S100B: variants seen among roughly 807,000 people sequenced by gnomAD.
The protein encoded by S100B is protein S100-B.
A neutral mutation model predicts 7.7 loss-of-function variants in S100B; 6 were observed. The ratio of observed to expected loss-of-function variants is 0.78; its 90% confidence interval spans 0.43 to 1.54. The LOEUF is 1.54. S100B is among the 40% of genes most tolerant of loss of function. The pLI, the probability that S100B is intolerant of heterozygous loss-of-function variation, is 0.01. For synonymous variants in S100B, 36 were observed against 40.4 expected (o/e 0.89, Z 0.41); for missense variants, 99 against 111.8 (o/e 0.89, Z 0.52).
intron 2 of S100B, among the ~76,000 whole-genome samples, chr21:46,601,760 A>G (rs745501270): frequency 1.3e-5 from 2 of 152,250 alleles, no homozygotes; most frequent in African/African-American, 4.8e-5. Flanking sequence ...TAAGCCAGTC[A>G]TGGTCATTCA....
intron 2 of S100B, among the ~76,000 whole-genome samples, 169 bp downstream of exon 2, chr21:46,602,109 C>T (rs1011031352): frequency 1.1e-4 from 16 of 152,130 alleles, no homozygotes; most frequent in African/African-American, 3.6e-4. Flanking sequence ...CTCATTTGAG[C>T]CAGCCCCACA....
chr21:46,600,184 C>G (rs1259837136), intron 2 of S100B: 8 of 289,572 alleles, frequency 2.8e-5, no homozygotes, highest in African/African-American at 4.6e-5. Context: ...AGTAACAATT[C>G]TCCGGGATAG....
At chr21:46,601,222 C>T (rs969461519) in intron 2 of S100B, among the ~76,000 whole-genome samples, 12 of 152,208 alleles carry the variant, frequency 7.9e-5, no homozygotes, top group African/African-American at 2.9e-4. Context: ...CTCCCCGTCC[C>T]CATGCAGCAG....
intron 2 of S100B, among the ~76,000 whole-genome samples, 183 bp downstream of exon 2, chr21:46,602,092 CAAG>C (rs779574576): frequency 6.6e-6 from 1 of 152,122 alleles, no homozygotes; most frequent in Non-Finnish European, 1.5e-5. Context: ...GAAATGAAAA[CAAG>C]GGGCTCATTT....
chr21:46,603,392 A>AGGGGGCGGGGGGGGTGGGGGCGGGGGG (rs1555923741), intron 1 of S100B, among the ~76,000 whole-genome samples: 95 of 38,200 alleles, frequency 2.5e-3, no homozygotes, highest in African/African-American at 9.7e-3. Context: ...GGACGGCGGG[A>AGGGGGCGGGGGGGGTGGGGGCGGGGGG]GGGGGTGGGG....
In S100B at chr21:46,598,696, G is replaced by C; in HGVS notation, c.*667C>G. ...CGGAAGCCGCATGTGCTGGAGGCAC[G>C]TTGGAGGCAAGGATCCTGCAGCCGC... On this transcript the variant is annotated 3_prime_UTR_variant, in exon 3 of 3. Transcript: ENST00000291700. Among the ~76,000 whole-genome samples the C allele has an allele frequency of 6.6e-6, 1 of 152,238 alleles. No homozygotes were observed. Among genetic ancestry groups the C allele is most frequent in the East Asian group, 1.9e-4 (1 of 5,182 alleles).
intron 1 of S100B, 53 bp from the exon 2 acceptor site, chr21:46,602,469 A>G (rs1192858790): frequency 6.4e-7 from 1 of 1,566,188 alleles, no homozygotes; most frequent in Non-Finnish European, 8.7e-7. Context: ...ATCCTAAAAC[A>G]TTTCATATGT....
intron 1 of S100B, among the ~76,000 whole-genome samples, chr21:46,603,405 A>AGGGGGGAGGCGGGGGGGGGGGGGG (rs1555923766): frequency 9.4e-6 from 1 of 106,136 alleles, no homozygotes; most frequent in Admixed American, 8.8e-5. Flanking sequence ...GGGTGGGGGC[A>AGGGGGGAGGCGGGGGGGGGGGGGG]GGAATAGGTG....
intron 1 of S100B, among the ~76,000 whole-genome samples, 200 bp downstream of exon 1, chr21:46,604,813 G>A (rs925398606): frequency 6.6e-6 from 1 of 152,192 alleles, no homozygotes; most frequent in African/African-American, 2.4e-5. Flanking sequence ...GCTGTCTAGG[G>A]CTGATGCAGT....
chr21:46,600,485 C>A, intron 2 of S100B: 1 of 354,138 alleles, frequency 2.8e-6, no homozygotes, highest in Admixed American at 3.4e-5. Flanking sequence ...GTTGAGGCTG[C>A]AATGAGCCAA....
chr21:46,600,461 C>T, intron 2 of S100B: 1 of 379,190 alleles, frequency 2.6e-6, no homozygotes, highest in Non-Finnish European at 5.2e-6. Context: ...CGGAGGATCG[C>T]TTGAGCCTGG....
intron 1 of S100B, among the ~76,000 whole-genome samples, chr21:46,604,722 G>A (rs1411615520): frequency 1.3e-5 from 2 of 152,168 alleles, no homozygotes. Flanking sequence ...AGTATTTGTA[G>A]TACCGCTGGG....
intron 1 of S100B, among the ~76,000 whole-genome samples, chr21:46,603,236 GA>G (rs1014249876): frequency 2.7e-5 from 4 of 150,024 alleles, no homozygotes; most frequent in Non-Finnish European, 3.0e-5. Context: ...GATCTACCAG[GA>G]AAAAAAAATG....
chr21:46,600,829 T>C (rs1223755916), intron 2 of S100B, among the ~76,000 whole-genome samples: 1 of 152,220 alleles, frequency 6.6e-6, no homozygotes, highest in Admixed American at 6.5e-5. Context: ...GCTTTCACTA[T>C]ATGTTAAGCA....
rs796474856 is a variant in S100B at position 46,603,392 on chromosome 21, A to AGGGGGTGGGGGGAGGGGGGGGCGGG, written c.-1-977_-1-976insCCCGCCCCCCCCTCCCCCCACCCCC. Among the ~76,000 whole-genome samples, 287 of 38,232 alleles carry AGGGGGTGGGGGGAGGGGGGGGCGGG rather than the reference A, an allele frequency of 7.5e-3. 22 individuals carry two copies. Among genetic ancestry groups the AGGGGGTGGGGGGAGGGGGGGGCGGG allele is most frequent in the Middle Eastern group, 0.014 (1 of 74 alleles). The allele number at this position is 38,232 out of a possible 152,430, so 25.1% of individuals were successfully genotyped here. ...TCACTGCAGTGACTGGGACGGCGGGAGGGGGTGGGGGCAGGAATAGGTGTT... is the reference window on the plus strand; with the variant it reads ...TCACTGCAGTGACTGGGACGGCGGGAGGGGGTGGGGGGAGGGGGGGGCGGGGGGGGTGGGGGCAGGAATAGGTGTT... On this transcript the variant is annotated intron_variant, in intron 1 of 2. Coordinates refer to ENST00000291700, the MANE Select transcript of S100B (RefSeq NM_006272.3).
At chr21:46,600,177 A>G (rs2061037553) in intron 2 of S100B, 4 of 289,772 alleles carry the variant, frequency 1.4e-5, no homozygotes, top group South Asian at 1.1e-4. Flanking sequence ...AATGCAGAGT[A>G]ACAATTCTCC....
intron 2 of S100B, 87 bp downstream of exon 2, chr21:46,602,191 T>G (rs2061043024): frequency 7.9e-7 from 1 of 1,260,492 alleles, no homozygotes; most frequent in Non-Finnish European, 1.1e-6. Flanking sequence ...GAAATCACCT[T>G]CAGGGCAGCT....
At chr21:46,600,441 G>A (rs2061038453) in intron 2 of S100B, 1 of 395,106 alleles carries the variant, frequency 2.5e-6, no homozygotes, top group Non-Finnish European at 5.0e-6. Flanking sequence ...AGCTACTCAG[G>A]AGGCTGAGGC....
rs770899598 is a variant in S100B, at chr21:46,602,294, A to C, written c.122T>G (p.Leu41Arg). 1.2e-6 allele frequency: 2 copies of C among 1,613,146 alleles called. No individual in the cohort carries two copies. The highest frequency in any genetic ancestry group is 1.7e-6 in the Non-Finnish European group (2 of 1,179,628). Residue 41 changes from leucine to arginine, a missense_variant, in exon 2 of 3, where the codon CTT becomes CGT. Physicochemically the swap from Leu to Arg is moderately radical, Grantham distance 102. Coordinates refer to ENST00000291700, the MANE Select transcript of S100B (RefSeq NM_006272.3). ...AAGACTCACCTCTAAGAAATGGGAA[A>C]GCTCATTGTTGATGAGCTCCTTCAG... ...SELKELINNELSHFLEEIKEQ... is the reference protein window; with the variant it reads ...SELKELINNERSHFLEEIKEQ...
Sources: gnomAD v4.1 joint callset for allele counts (sites outside exome capture counted in the v4.1 genomes callset) on GRCh38, gnomAD v4.1.1 for gene constraint, MANE v1.5 for transcripts, NCBI Gene and HGNC (gene_info 2026-07-23, HGNC 2026-07-21) for gene names.